Variants in ACAT1 observed in about 807,000 individuals in gnomAD.
ACAT1 encodes the protein acetyl-CoA acetyltransferase 1.
In ACAT1, 28 loss-of-function variants were observed where a neutral mutation model predicts 47.3. The ratio of observed to expected loss-of-function variants is 0.59; its 90% confidence interval spans 0.44 to 0.81. ACAT1 has a LOEUF of 0.81. Ranked by LOEUF, ACAT1 falls within the 30% of genes least tolerant of loss-of-function variation. The probability of loss-of-function intolerance (pLI) is 0.00; values close to 1 mark genes in which losing one functional copy is unlikely to be tolerated. For synonymous variants in ACAT1, 181 were observed against 173.6 expected (o/e 1.04, Z -0.34); for missense variants, 469 against 524.3 (o/e 0.89, Z 1.03).
chr11:108,136,072 C>G (rs2077462574), intron 5 of ACAT1: 2 of 686,764 alleles, frequency 2.9e-6, no homozygotes, highest in Non-Finnish European at 5.2e-6. Flanking sequence ...TACTTGAGAT[C>G]AAGCAAGAGA....
intron 1 of ACAT1, among the ~76,000 whole-genome samples, chr11:108,126,564 G>A (rs1481182904): frequency 6.6e-6 from 1 of 152,182 alleles, no homozygotes; most frequent in Non-Finnish European, 1.5e-5. Context: ...TGGAGGGACT[G>A]TAGAGAGGTG....
chr11:108,121,942 G>T, intron 1 of ACAT1: 1 of 546,664 alleles, frequency 1.8e-6, no homozygotes, highest in Admixed American at 3.2e-5. Flanking sequence ...TCAAACAAGG[G>T]CACGTGTCTG....
At position 108,135,378 on chromosome 11, in the gene ACAT1, G is replaced by A. The variant is rs11212522; in HGVS notation, c.435+136G>A. 7,552 of 718,228 alleles carry A rather than the reference G, an allele frequency of 0.011. 124 individuals carry two copies. Among genetic ancestry groups the A allele is most frequent in the African/African-American group, 0.054 (3,089 of 56,890 alleles). The allele number at this position is 718,228 out of a possible 1,614,324, so 44.5% of individuals were successfully genotyped here. The stretch of plus-strand genomic sequence containing the variant: ...AGTATGTTTTCTCACATGCTCAAGA[G>A]TGTCTGGATTTGCTAAGTCCATTTG... On this transcript the variant is annotated intron_variant, in intron 5 of 11. Transcript: ENST00000265838.
At chr11:108,143,304 TA>T (rs1426062857) in intron 9 of ACAT1, 1 of 152,060 alleles carries the variant, frequency 6.6e-6, no homozygotes, top group East Asian at 1.9e-4. Context: ...AATTAAGCTT[TA>T]AAAAACTTCC....
intron 1 of ACAT1, among the ~76,000 whole-genome samples, chr11:108,124,609 A>T (rs968261318): frequency 2.0e-5 from 3 of 151,936 alleles, no homozygotes; most frequent in African/African-American, 7.3e-5. Context: ...ACCCTAGTAC[A>T]CTCAGTTCCC....
Position 108,140,074 on chromosome 11 carries a change from G to A in ACAT1, c.589G>A (p.Ala197Thr). 6.2e-7 allele frequency: 1 copy of A among 1,613,996 alleles called. No individual in the cohort carries two copies. ...TTCAACTTTTTATCAGGGCAGCTGT[G>A]CTGAGAATACAGCAAAGAAGCTGAA... The part of the protein sequence containing the change: ...VYNKIHMGSC[A>T]ENTAKKLNIA... The change falls in exon 7 of 12, where the codon GCT (alanine) becomes ACT (threonine). Residue 197 changes from alanine (A) to threonine (T), a missense_variant. Transcript: ENST00000265838.
chr11:108,144,522 G>A (rs1156682709), intron 10 of ACAT1, among the ~76,000 whole-genome samples: 1 of 152,160 alleles, frequency 6.6e-6, no homozygotes, highest in Non-Finnish European at 1.5e-5. Context: ...GTCTCAGTGG[G>A]AAATTGCTAA....
Position 108,133,829 on chromosome 11 carries a change from ATAGT to A in ACAT1, c.131_134del (p.Ile44LysfsTer12). 1.2e-6 allele frequency: 2 copies of A among 1,613,898 alleles called. No homozygotes were observed. The highest frequency in any genetic ancestry group is 1.7e-6 in the Non-Finnish European group (2 of 1,179,850). On this transcript the variant is annotated frameshift_variant, in exon 3 of 12. Transcript: ENST00000265838. LOFTEE classifies it high-confidence loss of function. ...TCTTGTGTCTTGCCAGGAAGTGGTC[ATAGT>A]AAGTGCTACAAGAACACCCATTGGA...
Position 108,147,516 on chromosome 11 carries a change from T to G in ACAT1, c.*126T>G. On this transcript the variant is annotated 3_prime_UTR_variant, in exon 12 of 12. Coordinates refer to ENST00000265838, the MANE Select transcript of ACAT1 (RefSeq NM_000019.4). ...ATTTTTTATTATTTTCTATGTTAACTTTTAAAAATCAAAATGATGAAATCC... is the reference window on the plus strand; with the variant it reads ...ATTTTTTATTATTTTCTATGTTAACGTTTAAAAATCAAAATGATGAAATCC... The G allele has an allele frequency of 7.9e-7, 1 of 1,262,620 alleles. No homozygotes were observed. The highest frequency in any genetic ancestry group is 1.1e-6 in the Non-Finnish European group (1 of 906,806). The allele number at this position is 1,262,620 out of a possible 1,614,324, so 78.2% of individuals were successfully genotyped here. A position where few individuals can be genotyped will look rare whatever the true frequency, so the allele number is the denominator to read the frequency against.
intron 9 of ACAT1, 132 bp from the exon 10 acceptor site, chr11:108,143,845 AGAAAAG>A: frequency 1.4e-6 from 1 of 735,158 alleles, no homozygotes; most frequent in Non-Finnish European, 1.9e-6. Context: ...GTAGAATCCT[AGAAAAG>A]GAAGACATAT....
chr11:108,137,523 G>A (rs1462810481), intron 5 of ACAT1, among the ~76,000 whole-genome samples: 1 of 152,204 alleles, frequency 6.6e-6, no homozygotes, highest in African/African-American at 2.4e-5. Flanking sequence ...TATCTCAGCT[G>A]TCCAGGAAGA....
At chr11:108,127,420 A>G (rs909457986) in intron 1 of ACAT1, among the ~76,000 whole-genome samples, 13 of 151,962 alleles carry the variant, frequency 8.6e-5, no homozygotes, top group Admixed American at 3.9e-4. Flanking sequence ...GCCCGCCACC[A>G]CGCCTGGCTA....
intron 1 of ACAT1, among the ~76,000 whole-genome samples, chr11:108,122,438 T>C (rs1411442028): frequency 4.6e-5 from 7 of 152,240 alleles, no homozygotes; most frequent in Non-Finnish European, 1.0e-4. Context: ...GCTTGAGTTT[T>C]CTAGGTCGAT....
At chr11:108,124,787 A>C (rs1477783079) in intron 1 of ACAT1, among the ~76,000 whole-genome samples, 1 of 152,064 alleles carries the variant, frequency 6.6e-6, no homozygotes, top group Non-Finnish European at 1.5e-5. Context: ...TTCTATACTT[A>C]GTATGTGTGC....
chr11:108,136,203 C>G (rs2077465413), intron 5 of ACAT1: 1 of 517,670 alleles, frequency 1.9e-6, no homozygotes, highest in Non-Finnish European at 3.4e-6. Context: ...TTCAGTGTGT[C>G]TGAGACAGCC....
chr11:108,133,730 A>G (rs984124680), intron 2 of ACAT1, 90 bp from the exon 3 acceptor site: 6 of 1,046,980 alleles, frequency 5.7e-6, no homozygotes, highest in South Asian at 3.9e-5. Flanking sequence ...CATTCATAGA[A>G]GTGTTTTTTT....
intron 5 of ACAT1, 86 bp from the exon 6 acceptor site, chr11:108,138,812 C>A: frequency 6.9e-7 from 1 of 1,450,786 alleles, no homozygotes; most frequent in Non-Finnish European, 9.7e-7. Flanking sequence ...ATGTAGAATA[C>A]TTGTTTGGTG....
At chr11:108,126,298 C>G (rs564092290) in intron 1 of ACAT1, among the ~76,000 whole-genome samples, 2 of 152,158 alleles carry the variant, frequency 1.3e-5, no homozygotes, top group African/African-American at 4.8e-5. Flanking sequence ...CCACTAGGCC[C>G]GGCCTGAGGA....
At chr11:108,147,143 G>C in intron 11 of ACAT1, 127 bp from the exon 12 acceptor site, 1 of 1,110,724 alleles carries the variant, frequency 9.0e-7, no homozygotes. Context: ...TTTTAGAATA[G>C]TAGTAGTTAA....
Sources: gnomAD v4.1 joint callset for allele counts (sites outside exome capture counted in the v4.1 genomes callset) on GRCh38, gnomAD v4.1.1 for gene constraint, MANE v1.5 for transcripts, NCBI Gene and HGNC (gene_info 2026-07-23, HGNC 2026-07-21) for gene names.